SEC24D: variants seen among roughly 807,000 people sequenced by gnomAD.
SEC24D encodes the protein SEC24 homolog D, COPII component, also known as protein transport protein Sec24D.
A neutral mutation model predicts 116.9 loss-of-function variants in SEC24D; 69 were observed. That is an observed-to-expected ratio of 0.59 (90% CI 0.49 to 0.72). The LOEUF (loss-of-function observed/expected upper bound fraction) is 0.72. SEC24D is among the 30% of genes least tolerant of loss of function. SEC24D has a pLI of 0.00. For missense variants in SEC24D, 1,131 were observed against 1,264.1 expected, an observed-to-expected ratio of 0.89 and a Z score of 1.60; for synonymous variants, 405 against 442.8, an observed-to-expected ratio of 0.91 and a Z score of 1.07.
rs567814191 is a variant in SEC24D, at chr4:118,752,961, A to T, written c.1422-73T>A. ...AAAAGGAGGTTTCTATCTGAAATTC[A>T]GTAAGTGTGTCTTCTATAAAATACA... On this transcript the variant is annotated intron_variant, in intron 11 of 22. Coordinates refer to ENST00000280551, the MANE Select transcript of SEC24D (RefSeq NM_014822.4). 4.6e-6 allele frequency: 5 copies of T among 1,083,214 alleles called. No homozygotes were observed. The East Asian group carries it at 1.3e-4, about 27-fold the overall frequency. 67.1% of individuals were successfully genotyped at this position (1,083,214 alleles called of 1,614,324 possible).
intron 8 of SEC24D, among the ~76,000 whole-genome samples, chr4:118,780,907 C>CTTTTTTTTTTTTTTTTTT (rs143712578): frequency 1.8e-4 from 11 of 61,876 alleles, no homozygotes; most frequent in East Asian, 1.3e-3. Context: ...GCAACCCCTG[C>CTTTTTTTTTTTTTTTTTT]TTTTTTTTTT....
At chr4:118,754,158 C>G (rs1396583675) in intron 11 of SEC24D, 5 of 152,120 alleles carry the variant, frequency 3.3e-5, no homozygotes. Context: ...AATAGATTCT[C>G]ATAATCCCTT....
Position 118,744,674 on chromosome 4 carries a change from C to T in SEC24D, c.1824+270G>A, listed in dbSNP as rs185553912. ...ACTCCTGACCTCGTAATCCACCTGC[C>T]TTGGCCTCCCAAAGTGCTGGGATTA... On this transcript the variant is annotated intron_variant, in intron 14 of 22. Transcript: ENST00000280551. 2.6e-5 allele frequency among the ~76,000 whole-genome samples: 4 copies of T among 152,348 alleles called. No homozygotes were observed. The East Asian group carries it at 7.7e-4, about 29-fold the overall frequency.
rs115284957 is a variant in SEC24D, at chr4:118,804,014, T to C, written c.913+1829A>G. Among the ~76,000 whole-genome samples the C allele has an allele frequency of 8.5e-3, 1,287 of 152,286 alleles. 16 individuals carry two copies. The highest frequency in any genetic ancestry group is 0.026 in the African/African-American group (1,062 of 41,552). On this transcript the variant is annotated intron_variant, in intron 7 of 22. Coordinates refer to ENST00000280551, the MANE Select transcript of SEC24D (RefSeq NM_014822.4). ...AATAAACATTTTCTGGATGTATGCA[T>C]GAATGAGTGAAGTTCTGAACAAGTG...
At chr4:118,832,564 G>A (rs1305680881) in intron 2 of SEC24D, among the ~76,000 whole-genome samples, 3 of 152,116 alleles carry the variant, frequency 2.0e-5, no homozygotes, top group Non-Finnish European at 4.4e-5. Flanking sequence ...TATGCAATTT[G>A]TTTTTTGCCT....
chr4:118,773,715 C>T (rs752740941), intron 8 of SEC24D, among the ~76,000 whole-genome samples: 1 of 152,026 alleles, frequency 6.6e-6, no homozygotes, highest in African/African-American at 2.4e-5. Context: ...TGCCCAGAGG[C>T]GAAAAGGAAA....
chr4:118,817,574 A>G (rs1227644259), intron 3 of SEC24D, among the ~76,000 whole-genome samples, 162 bp from the exon 4 acceptor site: 1 of 152,212 alleles, frequency 6.6e-6, no homozygotes, highest in East Asian at 1.9e-4. Flanking sequence ...ACATGAACTC[A>G]ATATGATCAT....
intron 19 of SEC24D, chr4:118,735,643 A>G (rs928481264): frequency 6.6e-6 from 1 of 152,024 alleles, no homozygotes; most frequent in African/African-American, 2.4e-5. Flanking sequence ...AGATTTAATT[A>G]AAAGAATCTA....
In SEC24D at chr4:118,732,779, C is replaced by T. The variant is rs1412189637; in HGVS notation, c.2630G>A (p.Gly877Asp). 6.2e-7 allele frequency: 1 copy of T among 1,614,008 alleles called. No homozygotes were observed. The highest frequency in any genetic ancestry group is 1.3e-5 in the African/African-American group (1 of 74,928). ...GAAGAAAAGCTGAGAGTCAGCCACA[C>T]CCATGGTCATGACCAGCTGTCTCTG... The part of the protein sequence containing the change: ...AYQRQLVMTM[G>D]VADSQLFFYP... Residue 877 changes from glycine to aspartate, a missense_variant, in exon 20 of 23, where the codon GGT (glycine) becomes GAT (aspartate). Coordinates refer to ENST00000280551, the MANE Select transcript of SEC24D (RefSeq NM_014822.4).
intron 19 of SEC24D, among the ~76,000 whole-genome samples, chr4:118,735,069 G>T (rs955475221): frequency 1.3e-5 from 2 of 152,188 alleles, no homozygotes; most frequent in South Asian, 4.1e-4. Context: ...TCTAATTAAT[G>T]AGGTCATATT....
chr4:118,749,030 T>A (rs540770197), intron 13 of SEC24D, among the ~76,000 whole-genome samples: 1 of 152,262 alleles, frequency 6.6e-6, no homozygotes, highest in South Asian at 2.1e-4. Context: ...CTTCTTTTTT[T>A]TTTTGCCAAA....
In SEC24D at chr4:118,815,593, T is replaced by C. The variant is rs756174936; in HGVS notation, c.531A>G (p.Thr177=). ...GSQVLPPPPT[T]LNGPGASPLP... ...AAGGTGAGGCACCAGGACCATTGAG[T>C]GTGGTGGGTGGTGGTGGAAGAACTT... The change falls in exon 5 of 23, where the codon ACA becomes ACG. Residue 177 remains threonine (T), a synonymous_variant. Coordinates refer to ENST00000280551, the MANE Select transcript of SEC24D (RefSeq NM_014822.4). 1 of 1,613,892 alleles carries C rather than the reference T, an allele frequency of 6.2e-7. No individual in the cohort carries two copies. The highest frequency in any genetic ancestry group is 1.7e-5 in the Admixed American group (1 of 59,994).
chr4:118,815,340 A>C, intron 5 of SEC24D, 111 bp downstream of exon 5: 6 of 1,432,622 alleles, frequency 4.2e-6, no homozygotes, highest in Non-Finnish European at 5.7e-6. Flanking sequence ...AAAAACTACC[A>C]TTTCTTAAAA....
intron 19 of SEC24D, among the ~76,000 whole-genome samples, chr4:118,735,530 AAAAG>A (rs1294168673): frequency 6.6e-6 from 1 of 152,044 alleles, no homozygotes; most frequent in Admixed American, 6.6e-5. Context: ...TTCTTTTTTA[AAAAG>A]AAAGCTTATT....
At chr4:118,809,528 C>G (rs1729815569) in intron 6 of SEC24D, among the ~76,000 whole-genome samples, 1 of 152,164 alleles carries the variant, frequency 6.6e-6, no homozygotes, top group Admixed American at 6.5e-5. Flanking sequence ...TACAAACAGG[C>G]TCCATCTGAC....
intron 8 of SEC24D, among the ~76,000 whole-genome samples, chr4:118,785,209 G>A (rs1001749772): frequency 2.0e-5 from 3 of 152,098 alleles, no homozygotes; most frequent in Non-Finnish European, 2.9e-5. Context: ...TTTGAGCACA[G>A]GCAGACCTCT....
At chr4:118,723,699 C>T in intron 22 of SEC24D, 44 bp from the exon 23 acceptor site, 2 of 1,574,746 alleles carry the variant, frequency 1.3e-6, no homozygotes, top group Non-Finnish European at 1.7e-6. Flanking sequence ...TGGTTATAAA[C>T]ATTATTTGAA....
At chr4:118,826,819 C>G (rs1023325520) in intron 2 of SEC24D, among the ~76,000 whole-genome samples, 1 of 152,106 alleles carries the variant, frequency 6.6e-6, no homozygotes, top group African/African-American at 2.4e-5. Context: ...GGAATCAACT[C>G]TATGGCAGTG....
At chr4:118,809,807 C>A (rs1293067757) in intron 6 of SEC24D, among the ~76,000 whole-genome samples, 1 of 152,208 alleles carries the variant, frequency 6.6e-6, no homozygotes, top group African/African-American at 2.4e-5. Context: ...ACAAATAACA[C>A]ATCCAACATC....
Sources: allele counts gnomAD v4.1 joint callset (sites outside exome capture counted in the v4.1 genomes callset), GRCh38; gene constraint gnomAD v4.1.1; transcripts MANE v1.5; gene names NCBI Gene and HGNC (gene_info 2026-07-23, HGNC 2026-07-21).